Variants in PCSK5 observed in about 807,000 individuals in gnomAD.
The protein encoded by PCSK5 is proprotein convertase subtilisin/kexin type 5, also known as prohormone convertase 5.
A neutral mutation model predicts 233.2 loss-of-function variants in PCSK5; 129 were observed. The ratio of observed to expected loss-of-function variants is 0.55; its 90% CI spans 0.48 to 0.64. The LOEUF (loss-of-function observed/expected upper bound fraction) is 0.64. PCSK5 is among the 30% of genes least tolerant of loss of function. The pLI is 0.00. For synonymous variants in PCSK5, 825 were observed against 879.2 expected (o/e 0.94, Z 1.09); for missense variants, 2,076 against 2,430.1 (o/e 0.85, Z 3.06).
Position 76,296,878 on chromosome 9 carries a change from C to CAAA in PCSK5, c.3523+17_3523+19dup. On this transcript the variant is annotated intron_variant, in intron 27 of 37. Transcript: ENST00000674117. Reference sequence around the variant, plus strand: ...AAATTCTGGAATGGTATGTGCCCCCCAAAAAAGAGGTCACAGGGGTCTAGC... The same window carrying CAAA: ...AAATTCTGGAATGGTATGTGCCCCCCAAAAAAAAAGAGGTCACAGGGGTCTAGC... The CAAA allele has an allele frequency of 6.3e-7, 1 of 1,584,274 alleles. No homozygotes were observed. The highest frequency in any genetic ancestry group is 8.6e-7 in the Non-Finnish European group (1 of 1,156,400).
At chr9:76,309,480 G>C (rs1361581891) in intron 29 of PCSK5, among the ~76,000 whole-genome samples, 1 of 152,152 alleles carries the variant, frequency 6.6e-6, no homozygotes, top group Non-Finnish European at 1.5e-5. Flanking sequence ...GATCACTTGA[G>C]GCCAGGAGTT....
chr9:76,046,738 T>C (rs1829422792), intron 5 of PCSK5, among the ~76,000 whole-genome samples: 4 of 151,198 alleles, frequency 2.6e-5, no homozygotes, highest in African/African-American at 7.3e-5. Context: ...TTTTTTGTAT[T>C]TTTAGTAGAG....
Position 76,047,515 on chromosome 9 carries a change from G to A in PCSK5, c.633-20440G>A, listed in dbSNP as rs1829465373. Among the ~76,000 whole-genome samples, 3 of 152,124 alleles carry A rather than the reference G, an allele frequency of 2.0e-5. No individual in the cohort carries two copies. In the South Asian group the frequency reaches 6.2e-4, roughly 32 times the overall value. On this transcript the variant is annotated intron_variant, in intron 5 of 37. Coordinates refer to ENST00000674117, the MANE Select transcript of PCSK5 (RefSeq NM_001372043.1). ...TTGAGAAAGAGTCATTTAGGATATG[G>A]AAAGGGACTTGCACAGAATATACAT...
At chr9:76,126,170 CGTGT>C (rs899871282) in intron 9 of PCSK5, among the ~76,000 whole-genome samples, 2,816 of 78,590 alleles carry the variant, frequency 0.036, 39 homozygotes, top group Non-Finnish European at 0.074. Context: ...TTTTTTCCTG[CGTGT>C]GTGTGTATGT....
Position 76,023,892 on chromosome 9 carries a change from G to A in PCSK5, c.555+11G>A. On this transcript the variant is annotated intron_variant, in intron 4 of 37. Transcript: ENST00000674117. ...CTGATGCAAAACTACGTGAGTGTAT[G>A]CTGTGGTTAGAAGGTCTTTCCTTCT... 6.3e-7 allele frequency: 1 copy of A among 1,598,624 alleles called. No homozygotes were observed. The highest frequency in any genetic ancestry group is 8.5e-7 in the Non-Finnish European group (1 of 1,172,810).
intron 24 of PCSK5, among the ~76,000 whole-genome samples, chr9:76,290,295 T>C (rs1828238387): frequency 6.6e-6 from 1 of 152,156 alleles, no homozygotes; most frequent in African/African-American, 2.4e-5. Flanking sequence ...TATGAATTGG[T>C]CTTTCCCAAG....
At chr9:76,337,384 G>A (rs1165735849) in intron 34 of PCSK5, among the ~76,000 whole-genome samples, 1 of 151,946 alleles carries the variant, frequency 6.6e-6, no homozygotes, top group Non-Finnish European at 1.5e-5. Context: ...TGATTGACCA[G>A]GCTGGTCTTG....
At chr9:75,946,266 A>G (rs970856040) in intron 2 of PCSK5, among the ~76,000 whole-genome samples, 1 of 152,226 alleles carries the variant, frequency 6.6e-6, no homozygotes, top group Non-Finnish European at 1.5e-5. Flanking sequence ...TATAGACATT[A>G]GAGCAACTGG....
intron 10 of PCSK5, among the ~76,000 whole-genome samples, chr9:76,140,226 G>A (rs565322184): frequency 1.3e-5 from 2 of 152,044 alleles, no homozygotes; most frequent in African/African-American, 4.8e-5. Context: ...CTCTATACAA[G>A]ATGTAATTAG....
At chr9:75,980,914 A>AT (rs56163850) in intron 2 of PCSK5, among the ~76,000 whole-genome samples, 98,769 of 151,936 alleles carry the variant, frequency 0.65, 32,301 homozygotes, top group East Asian at 0.71. Flanking sequence ...TATGTCCATT[A>AT]CCACCTAACT....
intron 3 of PCSK5, among the ~76,000 whole-genome samples, chr9:76,008,527 T>A (rs1827581599): frequency 6.6e-6 from 1 of 151,884 alleles, no homozygotes; most frequent in Non-Finnish European, 1.5e-5. Context: ...AGTGGCGCAA[T>A]CTTGGCTCAC....
chr9:76,129,912 CA>C (rs1275364342), intron 9 of PCSK5, among the ~76,000 whole-genome samples: 1 of 152,024 alleles, frequency 6.6e-6, no homozygotes, highest in Middle Eastern at 3.2e-3. Context: ...GCTGTTTTTG[CA>C]GCTGAAAACT....
intron 5 of PCSK5, among the ~76,000 whole-genome samples, chr9:76,050,992 A>T (rs1829609731): frequency 6.6e-6 from 1 of 152,202 alleles, no homozygotes. Context: ...CCCCATGCTC[A>T]TAAGAGCAAT....
intron 12 of PCSK5, 78 bp from the exon 13 acceptor site, chr9:76,169,626 A>G (rs1823243123): frequency 1.4e-6 from 2 of 1,426,758 alleles, no homozygotes; most frequent in Non-Finnish European, 2.0e-6. Flanking sequence ...GATACAAAAA[A>G]CAGTGTCGAT....
intron 1 of PCSK5, among the ~76,000 whole-genome samples, chr9:75,921,410 A>C (rs961769539): frequency 1.3e-5 from 2 of 152,178 alleles, no homozygotes; most frequent in Admixed American, 6.6e-5. Context: ...TAATTCTAGC[A>C]ATGTTTTCAC....
intron 7 of PCSK5, among the ~76,000 whole-genome samples, chr9:76,080,839 A>C (rs372323762): frequency 1.3e-5 from 2 of 152,376 alleles, no homozygotes; most frequent in East Asian, 3.9e-4. Flanking sequence ...TATGAATCTT[A>C]GTCATTATCA....
intron 7 of PCSK5, among the ~76,000 whole-genome samples, chr9:76,093,534 G>A (rs1436466085): frequency 6.6e-6 from 1 of 151,472 alleles, no homozygotes; most frequent in African/African-American, 2.4e-5. Context: ...TAGTTTAATT[G>A]AATTTTATTC....
At position 76,248,735 on chromosome 9, in the gene PCSK5, A is replaced by G. The variant is rs145987848; in HGVS notation, c.3142+8051A>G. ...ATCAGTTCCATAAACCTGACATTATATGTCTCCTGATGTGGTACTCAAGTA... is the reference window on the plus strand; with the variant it reads ...ATCAGTTCCATAAACCTGACATTATGTGTCTCCTGATGTGGTACTCAAGTA... On this transcript the variant is annotated intron_variant, in intron 24 of 37. Transcript: ENST00000674117. Among the ~76,000 whole-genome samples, 4 of 152,314 alleles carry G rather than the reference A, an allele frequency of 2.6e-5. No homozygotes were observed. The East Asian group carries it at 7.7e-4, about 29-fold the overall frequency.
Position 76,333,973 on chromosome 9 carries a change from C to A in PCSK5, c.4748+1363C>A, listed in dbSNP as rs372570039. Among the ~76,000 whole-genome samples the A allele has an allele frequency of 3.1e-4, 47 of 152,234 alleles. No individual in the cohort carries two copies. The East Asian group carries it at 6.4e-3, about 21-fold the overall frequency. On this transcript the variant is annotated intron_variant, in intron 34 of 37. Coordinates refer to ENST00000674117, the MANE Select transcript of PCSK5 (RefSeq NM_001372043.1). ...GATAAAGACATACCCAAAGACTGGG[C>A]AATTTACAAACTAAAGAGGTTTAAT...
Sources: gnomAD v4.1 joint callset for allele counts (sites outside exome capture counted in the v4.1 genomes callset) on GRCh38, gnomAD v4.1.1 for gene constraint, MANE v1.5 for transcripts, NCBI Gene and HGNC (gene_info 2026-07-23, HGNC 2026-07-21) for gene names.